The following PPARGC1A variants were observed in gnomAD, a reference collection of about 807,000 sequenced individuals.
PPARGC1A encodes peroxisome proliferator-activated receptor gamma coactivator 1-alpha.
PPARGC1A carries 25 observed loss-of-function variants against 88.7 expected under a neutral mutation model. That is an observed-to-expected ratio of 0.28 (90% confidence interval 0.21 to 0.39). The LOEUF (loss-of-function observed/expected upper bound fraction) is 0.39, where lower values mean the gene tolerates loss of function less well. Ranked by LOEUF, PPARGC1A falls within the 10% of genes least tolerant of loss-of-function variation. The pLI is 1.00. For synonymous variants in PPARGC1A, 363 were observed against 355.6 expected (o/e 1.02, Z -0.24); for missense variants, 880 against 968.7 (o/e 0.91, Z 1.22).
chr4:23,983,712 C>T, the PPARGC1A span, among the ~76,000 whole-genome samples: 1 of 151,894 alleles, frequency 6.6e-6, no homozygotes, highest in Non-Finnish European at 1.5e-5. Context: ...AGGTAGGAGA[C>T]AGAGGAAGGG....
chr4:24,299,485 T>A, the PPARGC1A span, among the ~76,000 whole-genome samples: 1 of 152,122 alleles, frequency 6.6e-6, no homozygotes, highest in South Asian at 2.1e-4. Flanking sequence ...GAGCAGTAAT[T>A]TGCTAAATAA....
At chr4:24,117,040 A>G in the PPARGC1A span, among the ~76,000 whole-genome samples, 1 of 148,346 alleles carries the variant, frequency 6.7e-6, no homozygotes, top group Admixed American at 6.6e-5. Context: ...TGCACAGTGA[A>G]GTTGGTAAAA....
At chr4:24,211,309 T>A in the PPARGC1A span, among the ~76,000 whole-genome samples, 12 of 152,134 alleles carry the variant, frequency 7.9e-5, no homozygotes, top group Non-Finnish European at 1.8e-4. Context: ...TCTGAACTCG[T>A]TTTCCGATCT....
chr4:24,420,317 T>C, the PPARGC1A span, among the ~76,000 whole-genome samples: 3 of 152,222 alleles, frequency 2.0e-5, no homozygotes, highest in Non-Finnish European at 4.4e-5. Context: ...TGGGATGTGC[T>C]TTTTTTAATT....
the PPARGC1A span, among the ~76,000 whole-genome samples, chr4:24,436,122 C>T: frequency 2.0e-5 from 3 of 152,112 alleles, no homozygotes; most frequent in Admixed American, 6.5e-5. Context: ...TAGATATTCC[C>T]GATCAATATA....
chr4:23,933,827 C>T, the PPARGC1A span, among the ~76,000 whole-genome samples: 10 of 152,352 alleles, frequency 6.6e-5, no homozygotes, highest in Admixed American at 3.9e-4. Flanking sequence ...GCCAGCCACT[C>T]ATCCGCCCAA....
chr4:24,095,226 T>C, the PPARGC1A span, among the ~76,000 whole-genome samples: 1 of 149,404 alleles, frequency 6.7e-6, no homozygotes, highest in Non-Finnish European at 1.5e-5. Context: ...CAAGCAATTC[T>C]CCTGCCTCAG....
At chr4:24,327,240 CAACTT>C in the PPARGC1A span, among the ~76,000 whole-genome samples, 1 of 152,164 alleles carries the variant, frequency 6.6e-6, no homozygotes, top group Non-Finnish European at 1.5e-5. Flanking sequence ...GACACCAGAC[CAACTT>C]AGACTGTGCC....
At chr4:24,317,596 A>G in the PPARGC1A span, among the ~76,000 whole-genome samples, 1 of 131,134 alleles carries the variant, frequency 7.6e-6, no homozygotes, top group Non-Finnish European at 1.6e-5. Flanking sequence ...AAAAAAAAAA[A>G]CACCACCACC....
chr4:24,399,975 A>G, the PPARGC1A span, among the ~76,000 whole-genome samples: 2 of 151,824 alleles, frequency 1.3e-5, no homozygotes, highest in Admixed American at 6.6e-5. Context: ...TAGTGGAGAC[A>G]GGGTTTCACC....
chr4:23,915,950 T>C, the PPARGC1A span, among the ~76,000 whole-genome samples: 1 of 152,198 alleles, frequency 6.6e-6, no homozygotes, highest in Non-Finnish European at 1.5e-5. Flanking sequence ...CTGTGAAGCA[T>C]CTGGGCTCTG....
At chr4:24,179,748 TAC>T in the PPARGC1A span, among the ~76,000 whole-genome samples, 1 of 152,320 alleles carries the variant, frequency 6.6e-6, no homozygotes, top group South Asian at 2.1e-4. Context: ...GGTGATTTTT[TAC>T]AGTGCCGATA....
chr4:24,402,576 A>G, the PPARGC1A span, among the ~76,000 whole-genome samples: 3 of 152,190 alleles, frequency 2.0e-5, no homozygotes, highest in African/African-American at 7.2e-5. Context: ...TAAACACCAG[A>G]GCCAGGGCTC....
At chr4:24,436,278 G>A in the PPARGC1A span, among the ~76,000 whole-genome samples, 2 of 152,198 alleles carry the variant, frequency 1.3e-5, no homozygotes, top group African/African-American at 4.8e-5. Flanking sequence ...TGAGCAAAAT[G>A]TCAAAATTTG....
chr4:23,850,486 A>G (rs1183732603), intron 2 of PPARGC1A, among the ~76,000 whole-genome samples: 4 of 152,248 alleles, frequency 2.6e-5, no homozygotes, highest in African/African-American at 7.2e-5. Flanking sequence ...GCATGGCAGT[A>G]AAGTACAGCC....
At chr4:24,387,935 A>AAG in the PPARGC1A span, among the ~76,000 whole-genome samples, 4 of 7,358 alleles carry the variant, frequency 5.4e-4, no homozygotes, top group East Asian at 8.7e-3. Flanking sequence ...AGAAAGAAAG[A>AAG]GAAAGAAAGA....
At chr4:24,305,250 T>C in the PPARGC1A span, among the ~76,000 whole-genome samples, 2 of 150,740 alleles carry the variant, frequency 1.3e-5, no homozygotes, top group Non-Finnish European at 2.9e-5. Context: ...ATCATATATA[T>C]AATATATATA....
chr4:23,894,618 C>T (rs570483457), upstream of PPARGC1A, among the ~76,000 whole-genome samples: 2 of 152,236 alleles, frequency 1.3e-5, no homozygotes, highest in South Asian at 4.2e-4. Flanking sequence ...CTCTCATCTC[C>T]AGTAAAACCT....
At chr4:24,102,003 A>T in the PPARGC1A span, among the ~76,000 whole-genome samples, 1 of 152,196 alleles carries the variant, frequency 6.6e-6, no homozygotes, top group East Asian at 1.9e-4. Flanking sequence ...CAACCATTAC[A>T]GCTGCAAGTA....
Sources: gnomAD v4.1 joint callset for allele counts (sites outside exome capture counted in the v4.1 genomes callset) on GRCh38, gnomAD v4.1.1 for gene constraint, MANE v1.5 for transcripts, NCBI Gene and HGNC (gene_info 2026-07-23, HGNC 2026-07-21) for gene names.